Variants in OR10Q1 observed in about 807,000 individuals in gnomAD.
OR10Q1 encodes the protein olfactory receptor 10Q1.
For missense variants in OR10Q1, 435 were observed against 414.0 expected (o/e 1.05, Z -0.44); for synonymous variants, 211 against 180.5 (o/e 1.17, Z -1.35).
rs763103671 is a variant in OR10Q1, at chr11:58,228,703, G to A, written c.173C>T (p.Thr58Ile). 2.5e-6 allele frequency: 4 copies of A among 1,614,040 alleles called. No individual in the cohort carries two copies. In the East Asian group the frequency reaches 6.7e-5, roughly 27 times the overall value. The change falls in exon 1 of 1, where the codon ACC (threonine) becomes ATC (isoleucine). Residue 58 changes from threonine to isoleucine, a missense_variant. Transcript: ENST00000316770. Reference protein sequence around the residue: ...AIIWVVCTHSTLRTPMYFFLS... With the variant: ...AIIWVVCTHSILRTPMYFFLS... ...GAAGAAATACATCGGGGTGCGGAGG[G>A]TGCTGTGTGTGCACACCACCCAGAT...
Position 58,228,636 on chromosome 11 carries a change from C to T in OR10Q1, c.240G>A (p.Val80=), listed in dbSNP as rs751566075. The T allele has an allele frequency of 2.1e-5, 34 of 1,614,016 alleles. No homozygotes were observed. Among genetic ancestry groups the T allele is most frequent in the Non-Finnish European group, 2.9e-5 (34 of 1,180,036 alleles). ...TGTTGGAAAGCATCAAGGGTACTAC[C>T]ACGGTGGTGTAGCAGAGTTCCAGGA... ...LSFLELCYTT[V]VVPLMLSNIL... is the part of the protein sequence containing the mutation. Residue 80 remains valine, a synonymous_variant, in exon 1 of 1, where the codon GTG becomes GTA. Coordinates refer to ENST00000316770, the MANE Select transcript of OR10Q1 (RefSeq NM_001004471.2).
At position 58,228,378 on chromosome 11, in the gene OR10Q1, T is replaced by A. The variant is rs1853114804; in HGVS notation, c.498A>T (p.Leu166Phe). 1.2e-6 allele frequency: 2 copies of A among 1,613,378 alleles called. No individual in the cohort carries two copies. Among genetic ancestry groups the A allele is most frequent in the Admixed American group, 3.3e-5 (2 of 59,968 alleles). The change falls in exon 1 of 1, where the codon TTA becomes TTT. Residue 166 changes from leucine to phenylalanine, a missense_variant. By Grantham distance (22) the Leu-to-Phe change is conservative (BLOSUM62 0). Coordinates refer to ENST00000316770, the MANE Select transcript of OR10Q1 (RefSeq NM_001004471.2). ...ALFPSLQLTA[L>F]IFTLPFCGHH... is the part of the protein sequence containing the mutation. ...GGCCGCAAAAGGGCAGGGTGAAGAT[T>A]AAGGCGGTGAGCTGCAGGGAGGGGA... is the stretch of plus-strand genomic sequence containing the variant.
rs377302387 is a variant in OR10Q1 at position 58,228,574 on chromosome 11, C to T, written c.302G>A (p.Cys101Tyr). ...GAQKPISLAG[C>Y]GAQMFFFVTL... The stretch of plus-strand genomic sequence containing the variant: ...GACAAAGAAGAACATTTGGGCCCCA[C>T]ATCCAGCCAACGAAATGGGCTTCTG... The change falls in exon 1 of 1, where the codon TGT (cysteine) becomes TAT (tyrosine). Residue 101 changes from cysteine to tyrosine, a missense_variant. Coordinates refer to ENST00000316770, the MANE Select transcript of OR10Q1 (RefSeq NM_001004471.2). 4.3e-6 allele frequency: 7 copies of T among 1,614,152 alleles called. No individual in the cohort carries two copies. The highest frequency in any genetic ancestry group is 1.7e-5 in the Admixed American group (1 of 60,028).
chr11:58,228,680 A>G lies in OR10Q1; in HGVS notation c.196T>C (p.Phe66Leu). ...TCCAGGAAAGACAGGTTGGACAGGA[A>G]GAAATACATCGGGGTGCGGAGGGTG... is the stretch of plus-strand genomic sequence containing the variant. Reference protein sequence around the residue: ...HSTLRTPMYFFLSNLSFLELC... With the variant: ...HSTLRTPMYFLLSNLSFLELC... The change falls in exon 1 of 1, where the codon TTC (phenylalanine) becomes CTC (leucine). Residue 66 changes from phenylalanine to leucine, a missense_variant. Phe to Leu is a conservative substitution (Grantham distance 22). Coordinates refer to ENST00000316770, the MANE Select transcript of OR10Q1 (RefSeq NM_001004471.2). 1 of 1,614,092 alleles carries G rather than the reference A, an allele frequency of 6.2e-7. No homozygotes were observed. Among genetic ancestry groups the G allele is most frequent in the East Asian group, 2.2e-5 (1 of 44,834 alleles).
chr11:58,228,186 G>T lies in OR10Q1; in HGVS notation c.690C>A (p.Ile230=), dbSNP rs1853110359. 1 of 1,614,072 alleles carries T rather than the reference G, an allele frequency of 6.2e-7. No individual in the cohort carries two copies. Among genetic ancestry groups the T allele is most frequent in the Admixed American group, 1.7e-5 (1 of 60,006 alleles). ...GGCCCTCGGCAGAACGGATGCTCAG[G>T]ATGGCACAGGTGATGAACACGTAGG... is the stretch of plus-strand genomic sequence containing the variant. ...CVSYVFITCA[I]LSIRSAEGRR... Residue 230 remains isoleucine (I), a synonymous_variant, in exon 1 of 1, where the codon ATC becomes ATA. Transcript: ENST00000316770.
In OR10Q1 at chr11:58,228,776, G is replaced by T; in HGVS notation, c.100C>A (p.Leu34Ile). ...ATEFQVLLFLLFLLLYLMILC... is the reference protein window; with the variant it reads ...ATEFQVLLFLIFLLLYLMILC... ...ATCATCAAGTAGAGGAGGAGGAAGAGAAGGAAGAGAAGAACCTGGAATTCA... is the reference window on the plus strand; with the variant it reads ...ATCATCAAGTAGAGGAGGAGGAAGATAAGGAAGAGAAGAACCTGGAATTCA... The change falls in exon 1 of 1, where the codon CTC becomes ATC. Residue 34 changes from leucine to isoleucine, a missense_variant. Coordinates refer to ENST00000316770, the MANE Select transcript of OR10Q1 (RefSeq NM_001004471.2). The T allele has an allele frequency of 6.2e-7, 1 of 1,613,948 alleles. No individual in the cohort carries two copies. Among genetic ancestry groups the T allele is most frequent in the South Asian group, 1.1e-5 (1 of 91,068 alleles).
At position 58,227,949 on chromosome 11, in the gene OR10Q1, G is replaced by A. The variant is rs1306499398; in HGVS notation, c.927C>T (p.Ala309=). Residue 309 remains alanine (A), a synonymous_variant, in exon 1 of 1, where the codon GCC becomes GCT. Coordinates refer to ENST00000316770, the MANE Select transcript of OR10Q1 (RefSeq NM_001004471.2). Reference sequence around the variant, plus strand: ...CGTCAGAGGCTGCTTTACGGATAATGGCACTCCTCAGAGCACCTTTGACAT... The same window carrying A: ...CGTCAGAGGCTGCTTTACGGATAATAGCACTCCTCAGAGCACCTTTGACAT... The part of the protein sequence containing the change: ...NKDVKGALRS[A]IIRKAASDAN 6.2e-7 allele frequency: 1 copy of A among 1,613,544 alleles called. No individual in the cohort carries two copies. The highest frequency in any genetic ancestry group is 1.1e-5 in the South Asian group (1 of 91,042).
Position 58,228,750 on chromosome 11 carries a change from G to T in OR10Q1, c.126C>A (p.Ile42=), listed in dbSNP as rs375415642. 19 of 1,613,836 alleles carry T rather than the reference G, an allele frequency of 1.2e-5. No homozygotes were observed. The highest frequency in any genetic ancestry group is 1.5e-5 in the Non-Finnish European group (18 of 1,180,006). Residue 42 remains isoleucine (I), a synonymous_variant, in exon 1 of 1, where the codon ATC becomes ATA. Transcript: ENST00000316770. ...FLLFLLLYLM[I]LCGNTAIIWV... ...AGATGATGGCTGTGTTGCCACAGAG[G>T]ATCATCAAGTAGAGGAGGAGGAAGA...
Position 58,228,585 on chromosome 11 carries a change from C to T in OR10Q1, c.291G>A (p.Ser97=). 1 of 1,614,128 alleles carries T rather than the reference C, an allele frequency of 6.2e-7. No homozygotes were observed. The part of the protein sequence containing the change: ...SNILGAQKPI[S]LAGCGAQMFF... ...ACATTTGGGCCCCACATCCAGCCAA[C>T]GAAATGGGCTTCTGGGCCCCCAAAA... Residue 97 remains serine, a synonymous_variant, in exon 1 of 1, where the codon TCG becomes TCA. Transcript: ENST00000316770.
In OR10Q1 at chr11:58,228,427, C is replaced by A; in HGVS notation, c.449G>T (p.Gly150Val). The A allele has an allele frequency of 1.9e-6, 3 of 1,614,094 alleles. No homozygotes were observed. The highest frequency in any genetic ancestry group is 2.5e-6 in the Non-Finnish European group (3 of 1,180,018). ...MTRELCTQML[G>V]GALGLALFPS... ...GAAGAGGGCCAGGCCCAGGGCCCCA[C>A]CCAGCATCTGCGTGCACAGCTCGCG... Residue 150 changes from glycine (G) to valine (V), a missense_variant, in exon 1 of 1, where the codon GGT becomes GTT. Physicochemically the swap from Gly to Val is moderately radical, Grantham distance 109. Transcript: ENST00000316770.
rs1215448149 is a variant in OR10Q1 at position 58,228,294 on chromosome 11, G to A, written c.582C>T (p.Cys194=). 2 of 1,613,750 alleles carry A rather than the reference G, an allele frequency of 1.2e-6. No homozygotes were observed. The highest frequency in any genetic ancestry group is 1.7e-5 in the Admixed American group (1 of 60,018). ...CAGCCTGGTGCACGCGGATGTCAGC[G>A]CAGGCCAGGCGCAGGACGGGAGGCA... is the stretch of plus-strand genomic sequence containing the variant. ...CDVPPVLRLA[C]ADIRVHQAVL... is the part of the protein sequence containing the mutation. Residue 194 remains cysteine, a synonymous_variant, in exon 1 of 1, where the codon TGC becomes TGT. Transcript: ENST00000316770.
In OR10Q1 at chr11:58,228,487, A is replaced by T; in HGVS notation, c.389T>A (p.Ile130Asn). The change falls in exon 1 of 1, where the codon ATC (isoleucine) becomes AAC (asparagine). Residue 130 changes from isoleucine (I) to asparagine (N), a missense_variant. Physicochemically the swap from Ile to Asn is moderately radical, Grantham distance 149 (BLOSUM62 -3). Coordinates refer to ENST00000316770, the MANE Select transcript of OR10Q1 (RefSeq NM_001004471.2). ...GAGGGTGTAGTGCAGCGGGTGGCAG[A>T]TAGCCACATAGCGGTCATAGGCCAT... ...AIMAYDRYVA[I>N]CHPLHYTLIM... 1 of 1,613,912 alleles carries T rather than the reference A, an allele frequency of 6.2e-7. No homozygotes were observed. Among genetic ancestry groups the T allele is most frequent in the Non-Finnish European group, 8.5e-7 (1 of 1,179,882 alleles).
chr11:58,228,479 G>A lies in OR10Q1; in HGVS notation c.397C>T (p.Pro133Ser), dbSNP rs760831859. The A allele has an allele frequency of 4.3e-6, 7 of 1,613,702 alleles. No individual in the cohort carries two copies. The South Asian group carries it at 7.7e-5, about 18-fold the overall frequency. ...GTCATGATGAGGGTGTAGTGCAGCG[G>A]GTGGCAGATAGCCACATAGCGGTCA... Reference protein sequence around the residue: ...AYDRYVAICHPLHYTLIMTRE... With the variant: ...AYDRYVAICHSLHYTLIMTRE... Residue 133 changes from proline (P) to serine (S), a missense_variant, in exon 1 of 1, where the codon CCG (proline) becomes TCG (serine). Coordinates refer to ENST00000316770, the MANE Select transcript of OR10Q1 (RefSeq NM_001004471.2).
At position 58,228,832 on chromosome 11, in the gene OR10Q1, T is replaced by G. The variant is rs753298428; in HGVS notation, c.44A>C (p.Glu15Ala). The change falls in exon 1 of 1, where the codon GAG becomes GCG. Residue 15 changes from glutamate to alanine, a missense_variant. Coordinates refer to ENST00000316770, the MANE Select transcript of OR10Q1 (RefSeq NM_001004471.2). ...TGTGGTGAACGCACGGAACACAAAC[T>G]CAGTGGGCTCAGACTGGTTGAAGAC... The part of the protein sequence containing the change: ...KLVFNQSEPT[E>A]FVFRAFTTAT... 5 of 1,613,112 alleles carry G rather than the reference T, an allele frequency of 3.1e-6. No homozygotes were observed. In the South Asian group the frequency reaches 5.5e-5, roughly 18 times the overall value.
chr11:58,228,083 G>T lies in OR10Q1; in HGVS notation c.793C>A (p.Leu265Met). 6.2e-7 allele frequency: 1 copy of T among 1,614,212 alleles called. No homozygotes were observed. Among genetic ancestry groups the T allele is most frequent in the Non-Finnish European group, 8.5e-7 (1 of 1,180,044 alleles). Residue 265 changes from leucine (L) to methionine (M), a missense_variant, in exon 1 of 1, where the codon CTG becomes ATG. Physicochemically the swap from Leu to Met is conservative, Grantham distance 15. Transcript: ENST00000316770. ...LQYGCCSLVY[L>M]RPRSSTSEDE... ...TCTGAGGTGCTGGACCGAGGACGCAGGTACACGAGGCTGCAGCAGCCATAC... is the reference window on the plus strand; with the variant it reads ...TCTGAGGTGCTGGACCGAGGACGCATGTACACGAGGCTGCAGCAGCCATAC...
Position 58,228,021 on chromosome 11 carries a change from A to G in OR10Q1, c.855T>C (p.Phe285=). The G allele has an allele frequency of 6.2e-7, 1 of 1,614,186 alleles. No homozygotes were observed. The highest frequency in any genetic ancestry group is 2.2e-5 in the East Asian group (1 of 44,864). ...EDSQIALVYT[F]VTPLLNPLLY... is the part of the protein sequence containing the mutation. ...GCAAAGGGTTGAGTAAGGGGGTGAC[A>G]AAGGTGTAGACCAACGCGATTTGGC... Residue 285 remains phenylalanine (F), a synonymous_variant, in exon 1 of 1, where the codon TTT becomes TTC. Transcript: ENST00000316770.
Position 58,228,094 on chromosome 11 carries a change from C to CT in OR10Q1, c.781dup (p.Ser261LysfsTer15). ...GGACCGAGGACGCAGGTACACGAGGCTGCAGCAGCCATACTGCAGCAGGAC... is the reference window on the plus strand; with the variant it reads ...GGACCGAGGACGCAGGTACACGAGGCTTGCAGCAGCCATACTGCAGCAGGAC... On this transcript the variant is annotated frameshift_variant, in exon 1 of 1. Transcript: ENST00000316770. LOFTEE classifies it low-confidence loss of function (END_TRUNC). 1 of 1,614,192 alleles carries CT rather than the reference C, an allele frequency of 6.2e-7. No individual in the cohort carries two copies. The highest frequency in any genetic ancestry group is 8.5e-7 in the Non-Finnish European group (1 of 1,180,036).
chr11:58,228,466 G>GTGTA lies in OR10Q1; in HGVS notation c.406_409dup (p.Thr137IlefsTer61). Reference sequence around the variant, plus strand: ...GCACAGCTCGCGGGTCATGATGAGGGTGTAGTGCAGCGGGTGGCAGATAGC... The same window carrying GTGTA: ...GCACAGCTCGCGGGTCATGATGAGGGTGTATGTAGTGCAGCGGGTGGCAGATAGC... On this transcript the variant is annotated frameshift_variant, in exon 1 of 1. Transcript: ENST00000316770. LOFTEE classifies it low-confidence loss of function (END_TRUNC). The GTGTA allele has an allele frequency of 6.2e-7, 1 of 1,614,126 alleles. No individual in the cohort carries two copies.
rs1009291221 is a variant in OR10Q1, at chr11:58,228,094, C to T, written c.782G>A (p.Ser261Asn). Residue 261 changes from serine to asparagine, a missense_variant, in exon 1 of 1, where the codon AGC (serine) becomes AAC (asparagine). Transcript: ENST00000316770. ...TVVLLQYGCCSLVYLRPRSST... is the reference protein window; with the variant it reads ...TVVLLQYGCCNLVYLRPRSST... ...GGACCGAGGACGCAGGTACACGAGGCTGCAGCAGCCATACTGCAGCAGGAC... is the reference window on the plus strand; with the variant it reads ...GGACCGAGGACGCAGGTACACGAGGTTGCAGCAGCCATACTGCAGCAGGAC... 5.6e-6 allele frequency: 9 copies of T among 1,614,074 alleles called. No individual in the cohort carries two copies. Among genetic ancestry groups the T allele is most frequent in the African/African-American group, 2.7e-5 (2 of 74,918 alleles).
Sources: gnomAD v4.1 joint callset for allele counts on GRCh38, gnomAD v4.1.1 for gene constraint, MANE v1.5 for transcripts, NCBI Gene and HGNC (gene_info 2026-07-23, HGNC 2026-07-21) for gene names.